Variants in RAD52 observed in about 807,000 individuals in gnomAD.
The protein encoded by RAD52 is RAD52 DNA repair protein, also known as DNA repair protein RAD52 homolog.
In RAD52, 47 loss-of-function variants were observed where a neutral mutation model predicts 55.5. The observed-to-expected ratio is 0.85, with a 90% CI of 0.67 to 1.08. RAD52 has a LOEUF of 1.08. Among genes scored for constraint, RAD52 ranks in the 50% least tolerant of loss-of-function variants. The probability of loss-of-function intolerance (pLI) is 0.00; values close to 1 mark genes in which losing one functional copy is unlikely to be tolerated. For synonymous variants in RAD52, 184 were observed against 198.9 expected, an observed-to-expected ratio of 0.92 and a Z score of 0.63; for missense variants, 468 against 522.8, an observed-to-expected ratio of 0.90 and a Z score of 1.02.
upstream of RAD52, among the ~76,000 whole-genome samples, chr12:950,044 T>C (rs1958481261): frequency 6.6e-6 from 1 of 152,170 alleles, no homozygotes; most frequent in Admixed American, 6.5e-5. Flanking sequence ...ACATGCCCAG[T>C]GCCCATTAGG....
chr12:914,323 C>T, intron 10 of RAD52, 108 bp downstream of exon 10: 12 of 1,493,444 alleles, frequency 8.0e-6, no homozygotes, highest in Admixed American at 2.2e-5. Context: ...GCCAGAACCC[C>T]CTCAACAAAA....
chr12:930,165 A>C, intron 3 of RAD52, 21 bp from the exon 4 acceptor site: 1 of 1,562,446 alleles, frequency 6.4e-7, no homozygotes, highest in Non-Finnish European at 8.8e-7. Flanking sequence ...AAATGTTTTT[A>C]AGGAAAAGCT....
intron 1 of RAD52, among the ~76,000 whole-genome samples, chr12:972,496 G>C (rs1565710515): frequency 6.6e-6 from 1 of 152,084 alleles, no homozygotes; most frequent in South Asian, 2.1e-4. Context: ...GCCAGGCGTG[G>C]TGGCTCACGC....
intron 1 of RAD52, among the ~76,000 whole-genome samples, chr12:987,735 A>AT (rs1326320777): frequency 3.3e-5 from 5 of 150,974 alleles, no homozygotes; most frequent in Admixed American, 6.6e-5. Context: ...TTATTTTTGT[A>AT]TTTTTTTGTA....
intron 7 of RAD52, among the ~76,000 whole-genome samples, chr12:924,344 A>C (rs1396147302): frequency 6.6e-6 from 1 of 152,168 alleles, no homozygotes; most frequent in African/African-American, 2.4e-5. Flanking sequence ...CAGGAGGCAG[A>C]GGTTGCAGTG....
chr12:964,139 A>C (rs1771330365), intron 1 of RAD52, among the ~76,000 whole-genome samples: 1 of 152,142 alleles, frequency 6.6e-6, no homozygotes, highest in Non-Finnish European at 1.5e-5. Context: ...AGGCGATGTG[A>C]CTTTGGTTTT....
At chr12:949,135 C>T (rs1463396883) in intron 1 of RAD52, among the ~76,000 whole-genome samples, 13 of 152,198 alleles carry the variant, frequency 8.5e-5, no homozygotes. Flanking sequence ...GATCTCGGCT[C>T]ACTGCAGGCT....
chr12:928,892 A>G (rs1294396982), intron 5 of RAD52, among the ~76,000 whole-genome samples: 2 of 152,002 alleles, frequency 1.3e-5, no homozygotes, highest in Non-Finnish European at 2.9e-5. Context: ...TACCGATAAA[A>G]CTTTTCTTTT....
Position 916,833 on chromosome 12 carries a change from A to G in RAD52, c.544-13T>C, listed in dbSNP as rs182854824. 1.9e-5 allele frequency: 30 copies of G among 1,590,042 alleles called. No individual in the cohort carries two copies. In the South Asian group the frequency reaches 2.4e-4, roughly 13 times the overall value. ...CTTCAAGAGGCAACTAGAAGGAAAG[A>G]AGAAAAACAAATTCCTTCAACTGGC... On this transcript the variant is annotated splice_polypyrimidine_tract_variant and intron_variant, in intron 7 of 11. Transcript: ENST00000358495.
Position 916,435 on chromosome 12 carries a change from C to A in RAD52, c.774G>T (p.Lys258Asn), listed in dbSNP as rs2154108592. Residue 258 changes from lysine to asparagine, a missense_variant, in exon 9 of 12, where the codon AAG becomes AAT. Physicochemically the swap from Lys to Asn is moderately conservative, Grantham distance 94. Transcript: ENST00000358495. The stretch of plus-strand genomic sequence containing the variant: ...GCTGCTGCAGCTGCTTCTGCCGGAG[C>A]TTCCGCTGGTGCGTGGCCTCGCTCT... Reference protein sequence around the residue: ...AVESEATHQRKLRQKQLQQQF... With the variant: ...AVESEATHQRNLRQKQLQQQF... 1.2e-6 allele frequency: 2 copies of A among 1,607,848 alleles called. No homozygotes were observed. Among genetic ancestry groups the A allele is most frequent in the Non-Finnish European group, 1.7e-6 (2 of 1,179,282 alleles).
intron 7 of RAD52, among the ~76,000 whole-genome samples, chr12:919,373 G>C (rs993842945): frequency 6.6e-6 from 1 of 152,010 alleles, no homozygotes; most frequent in Non-Finnish European, 1.5e-5. Flanking sequence ...TTGAACCCAC[G>C]AGGCAGAGGT....
intron 8 of RAD52, 75 bp downstream of exon 8, chr12:916,564 C>G: frequency 1.9e-6 from 3 of 1,599,274 alleles, no homozygotes; most frequent in Non-Finnish European, 2.6e-6. Context: ...CTGGCTGGCT[C>G]TGGAGGCCTG....
chr12:984,751 G>A (rs1162324443), intron 1 of RAD52, among the ~76,000 whole-genome samples: 1 of 151,208 alleles, frequency 6.6e-6, no homozygotes, highest in African/African-American at 2.4e-5. Flanking sequence ...TGCAAGCTCC[G>A]CCTCCCGGCT....
chr12:914,617 T>TAACA, intron 9 of RAD52, 85 bp from the exon 10 acceptor site: 1 of 1,501,648 alleles, frequency 6.7e-7, no homozygotes. Flanking sequence ...CCCCTCTTGT[T>TAACA]AGAGGGAACA....
chr12:913,436 A>T lies in RAD52; in HGVS notation c.1212T>A (p.His404Gln), dbSNP rs754459541. The change falls in exon 12 of 12, where the codon CAT becomes CAA. Residue 404 changes from histidine to glutamine, a missense_variant. His to Gln is a conservative substitution (Grantham distance 24). Transcript: ENST00000358495. ...DQRTTGNWES[H>Q]RKSQDMKKRK... is the part of the protein sequence containing the mutation. ...TTTTCTTCATGTCCTGGCTCTTCCT[A>T]TGAGATTCCCAGTTTCCTATGGAAG... The T allele has an allele frequency of 6.2e-7, 1 of 1,606,034 alleles. No homozygotes were observed. Among genetic ancestry groups the T allele is most frequent in the Non-Finnish European group, 8.5e-7 (1 of 1,172,998 alleles).
chr12:968,908 TAC>T (rs887206667), intron 1 of RAD52, among the ~76,000 whole-genome samples: 16 of 151,420 alleles, frequency 1.1e-4, no homozygotes, highest in African/African-American at 3.9e-4. Context: ...TTGGTGAGTA[TAC>T]ACACACACAC....
intron 1 of RAD52, among the ~76,000 whole-genome samples, chr12:942,361 T>C (rs572054544): frequency 2.0e-5 from 3 of 152,320 alleles, no homozygotes; most frequent in Admixed American, 2.0e-4. Context: ...AATGACTGGA[T>C]ATCTATATGG....
chr12:926,815 G>A (rs1957060711), intron 6 of RAD52: 2 of 1,536,884 alleles, frequency 1.3e-6, no homozygotes, highest in Non-Finnish European at 1.7e-6. Flanking sequence ...GCGGAGGACT[G>A]CTGAGGAGCA....
intron 1 of RAD52, among the ~76,000 whole-genome samples, chr12:969,515 G>C (rs1958813019): frequency 1.3e-5 from 2 of 152,008 alleles, no homozygotes; most frequent in Admixed American, 1.3e-4. Flanking sequence ...AGCTGGGCAT[G>C]GTGGCTCAAG....
Sources: gnomAD v4.1 joint callset for allele counts (sites outside exome capture counted in the v4.1 genomes callset) on GRCh38, gnomAD v4.1.1 for gene constraint, MANE v1.5 for transcripts, NCBI Gene and HGNC (gene_info 2026-07-23, HGNC 2026-07-21) for gene names.